KCNMA1: variants seen among roughly 807,000 people sequenced by gnomAD.
KCNMA1 encodes potassium calcium-activated channel subfamily M alpha 1, also known as Calcium-activated potassium channel subunit alpha-1.
In KCNMA1, 29 loss-of-function variants were observed where a neutral mutation model predicts 140.0. The ratio of observed to expected loss-of-function variants is 0.21; its 90% CI spans 0.15 to 0.28. The LOEUF (loss-of-function observed/expected upper bound fraction) is 0.28. Ranked by LOEUF, KCNMA1 falls within the 10% of genes least tolerant of loss-of-function variation. The pLI is 1.00. For synonymous variants in KCNMA1, 612 were observed against 611.9 expected, an observed-to-expected ratio of 1.00 and a Z score of 0.00; for missense variants, 880 against 1,602.2, an observed-to-expected ratio of 0.55 and a Z score of 7.70.
intron 2 of KCNMA1, among the ~76,000 whole-genome samples, chr10:77,259,470 A>C (rs751671652): frequency 6.6e-6 from 1 of 151,978 alleles, no homozygotes; most frequent in East Asian, 1.9e-4. Context: ...ATCACCTCAA[A>C]TGTCCTCCAT....
chr10:77,325,068 T>C (rs1460702074), intron 2 of KCNMA1, among the ~76,000 whole-genome samples: 1 of 151,176 alleles, frequency 6.6e-6, no homozygotes, highest in Non-Finnish European at 1.5e-5. Context: ...TGCCACCCCT[T>C]CATTACCATG....
intron 2 of KCNMA1, among the ~76,000 whole-genome samples, chr10:77,334,399 G>A (rs534442913): frequency 1.3e-5 from 2 of 152,146 alleles, no homozygotes; most frequent in African/African-American, 2.4e-5. Flanking sequence ...ATTTGAGGGC[G>A]CTTGGTCTTA....
chr10:77,334,203 C>T (rs868289078), intron 2 of KCNMA1, among the ~76,000 whole-genome samples: 13 of 152,174 alleles, frequency 8.5e-5, no homozygotes, highest in Admixed American at 2.6e-4. Context: ...TTATCTCATT[C>T]GCTCACCGCT....
At chr10:77,458,960 T>C (rs2097804306) in intron 1 of KCNMA1, among the ~76,000 whole-genome samples, 2 of 152,200 alleles carry the variant, frequency 1.3e-5, no homozygotes, top group Non-Finnish European at 1.5e-5. Flanking sequence ...CAGAAAATCA[T>C]AGGGGTAGCA....
At chr10:77,260,032 C>G (rs1247144604) in intron 2 of KCNMA1, among the ~76,000 whole-genome samples, 1 of 152,094 alleles carries the variant, frequency 6.6e-6, no homozygotes, top group Non-Finnish European at 1.5e-5. Flanking sequence ...CATGGATTAC[C>G]CTCACTGAGT....
At chr10:76,900,320 G>A (rs1304697437) in intron 25 of KCNMA1, among the ~76,000 whole-genome samples, 1 of 151,884 alleles carries the variant, frequency 6.6e-6, no homozygotes, top group Non-Finnish European at 1.5e-5. Context: ...ATTACAAAAA[G>A]TACATAATGC....
At chr10:77,379,797 C>G (rs61867280) in intron 2 of KCNMA1, among the ~76,000 whole-genome samples, 2 of 151,908 alleles carry the variant, frequency 1.3e-5, no homozygotes, top group African/African-American at 4.8e-5. Context: ...GCTCCCCATC[C>G]CTGCCCCATA....
chr10:77,637,524 G>A lies in KCNMA1; in HGVS notation c.119C>T (p.Ser40Phe). 1.3e-6 allele frequency: 2 copies of A among 1,560,246 alleles called. No homozygotes were observed. Among genetic ancestry groups the A allele is most frequent in the Non-Finnish European group, 1.7e-6 (2 of 1,147,046 alleles). Residue 40 changes from serine to phenylalanine, a missense_variant, in exon 1 of 28, where the codon TCC becomes TTC. Coordinates refer to ENST00000286628, the MANE Select transcript of KCNMA1 (RefSeq NM_001161352.2). The part of the protein sequence containing the change: ...HANHLSLDAS[S>F]SSSSSSSSSS... ...AGAGGAAGAGGAGGAGGAGGAGGAGGAGGACGCGTCTAGGCTGAGATGGTT... is the reference window on the plus strand; with the variant it reads ...AGAGGAAGAGGAGGAGGAGGAGGAGAAGGACGCGTCTAGGCTGAGATGGTT...
At chr10:76,898,135 C>T (rs1014346460) in intron 25 of KCNMA1, among the ~76,000 whole-genome samples, 1 of 151,586 alleles carries the variant, frequency 6.6e-6, no homozygotes, top group Non-Finnish European at 1.5e-5. Context: ...GCTAAATGAT[C>T]CTATAAAATG....
chr10:77,025,375 T>A, intron 16 of KCNMA1: 1 of 1,245,492 alleles, frequency 8.0e-7, no homozygotes, highest in Non-Finnish European at 1.1e-6. Context: ...TCTTGGCAAA[T>A]GGTTAGTCCT....
chr10:77,130,233 C>G (rs888356442), intron 5 of KCNMA1, among the ~76,000 whole-genome samples: 18 of 152,162 alleles, frequency 1.2e-4, no homozygotes, highest in African/African-American at 4.1e-4. Context: ...TAAGTATTCA[C>G]ACAACCATTC....
chr10:77,273,017 T>C (rs973722521), intron 2 of KCNMA1, among the ~76,000 whole-genome samples: 1 of 152,232 alleles, frequency 6.6e-6, no homozygotes, highest in Non-Finnish European at 1.5e-5. Flanking sequence ...GCTTCCTTTA[T>C]CAGAAGTTAC....
intron 1 of KCNMA1, among the ~76,000 whole-genome samples, chr10:77,532,362 G>C (rs1184209356): frequency 6.6e-6 from 1 of 152,242 alleles, no homozygotes; most frequent in Non-Finnish European, 1.5e-5. Context: ...AGTACAGTGG[G>C]CTCTCTGGAC....
intron 1 of KCNMA1, among the ~76,000 whole-genome samples, chr10:77,418,134 TA>T (rs111747876): frequency 0.019 from 2,829 of 152,254 alleles, 42 homozygotes; most frequent in South Asian, 0.049. Flanking sequence ...TAATGTGAAA[TA>T]AAAACAATTC....
At chr10:77,118,699 T>G in intron 6 of KCNMA1, among the ~76,000 whole-genome samples, 1 of 152,176 alleles carries the variant, frequency 6.6e-6, no homozygotes, top group East Asian at 1.9e-4. Context: ...AAAAGATCCT[T>G]GACTGCCCTG....
At chr10:77,012,699 G>T in intron 17 of KCNMA1, 1 of 677,318 alleles carries the variant, frequency 1.5e-6, no homozygotes. Flanking sequence ...ACTAAATGAT[G>T]GTTTTCTTCT....
intron 2 of KCNMA1, among the ~76,000 whole-genome samples, chr10:77,314,813 G>A (rs1484348416): frequency 3.3e-5 from 5 of 151,790 alleles, no homozygotes; most frequent in Non-Finnish European, 4.4e-5. Flanking sequence ...CTGCCCTCTC[G>A]TCTGTGAATA....
intron 1 of KCNMA1, among the ~76,000 whole-genome samples, chr10:77,431,681 T>TAAAAA (rs71028276): frequency 5.6e-4 from 42 of 75,452 alleles, no homozygotes; most frequent in Middle Eastern, 9.8e-3. Flanking sequence ...TGGTCTGTTG[T>TAAAAA]AAAAAAAAAA....
At chr10:77,009,586 T>C (rs1362946939) in intron 18 of KCNMA1, among the ~76,000 whole-genome samples, 6 of 152,158 alleles carry the variant, frequency 3.9e-5, no homozygotes. Flanking sequence ...ATTTCCTCAC[T>C]TAAAATCTTC....
Sources: gnomAD v4.1 joint callset for allele counts (sites outside exome capture counted in the v4.1 genomes callset) on GRCh38, gnomAD v4.1.1 for gene constraint, MANE v1.5 for transcripts, NCBI Gene and HGNC (gene_info 2026-07-23, HGNC 2026-07-21) for gene names.